The following ARAP3 variants were observed in gnomAD, a reference collection of about 807,000 sequenced individuals.
ARAP3 encodes the protein arf-GAP with Rho-GAP domain, ANK repeat and PH domain-containing protein 3.
In ARAP3, 82 loss-of-function variants were observed where a neutral mutation model predicts 169.2. That is an observed-to-expected ratio of 0.48 (90% CI 0.41 to 0.58). The LOEUF (loss-of-function observed/expected upper bound fraction) is 0.58, where lower values mean the gene tolerates loss of function less well. Among genes scored for constraint, ARAP3 ranks in the 20% least tolerant of loss-of-function variants. ARAP3 has a pLI of 0.00. For missense variants in ARAP3, 1,764 were observed against 2,018.0 expected (o/e 0.87, Z 2.41); for synonymous variants, 791 against 800.3 (o/e 0.99, Z 0.20).
At chr5:141,657,832 T>C (rs1370789625) in intron 25 of ARAP3, among the ~76,000 whole-genome samples, 1 of 152,182 alleles carries the variant, frequency 6.6e-6, no homozygotes, top group Non-Finnish European at 1.5e-5. Context: ...CTAGGCTTTT[T>C]TTTTGAGGAA....
At chr5:141,668,749 G>A (rs2099911025) in intron 16 of ARAP3, among the ~76,000 whole-genome samples, 1 of 152,222 alleles carries the variant, frequency 6.6e-6, no homozygotes, top group Non-Finnish European at 1.5e-5. Context: ...TCCCATACAG[G>A]AGTGCCGGAT....
intron 17 of ARAP3, 68 bp downstream of exon 17, chr5:141,666,356 T>C: frequency 7.5e-7 from 1 of 1,341,748 alleles, no homozygotes; most frequent in Non-Finnish European, 9.8e-7. Context: ...CCCCAAATAA[T>C]AAAGGTCTGC....
At chr5:141,661,884 G>T in intron 20 of ARAP3, 95 bp from the exon 21 acceptor site, 2 of 1,469,726 alleles carry the variant, frequency 1.4e-6, no homozygotes, top group Non-Finnish European at 1.9e-6. Context: ...ATGCAGGATG[G>T]ATGTGTCTCT....
chr5:141,673,962 T>C (rs866744233), intron 4 of ARAP3, among the ~76,000 whole-genome samples, 154 bp from the exon 5 acceptor site: 13 of 140,364 alleles, frequency 9.3e-5, no homozygotes, highest in Middle Eastern at 3.7e-3. Context: ...TTTTCTTCTT[T>C]TTTTTTTTTT....
At position 141,665,962 on chromosome 5, in the gene ARAP3, C is replaced by T. The variant is rs1296996699; in HGVS notation, c.2572+462G>A. The stretch of plus-strand genomic sequence containing the variant: ...AGGAGAATTGCTTGAACCTGGGAGG[C>T]GGAGGTTGCAGTGAGTTGAGGAGTT... On this transcript the variant is annotated intron_variant, in intron 17 of 32. Coordinates refer to ENST00000239440, the MANE Select transcript of ARAP3 (RefSeq NM_022481.6). Among the ~76,000 whole-genome samples, 9 of 148,092 alleles carry T rather than the reference C, an allele frequency of 6.1e-5. No individual in the cohort carries two copies. The East Asian group carries it at 1.0e-3, about 17-fold the overall frequency.
Position 141,673,096 on chromosome 5 carries a change from A to G in ARAP3, c.1010T>C (p.Ile337Thr). The G allele has an allele frequency of 1.9e-6, 3 of 1,614,198 alleles. No homozygotes were observed. Among genetic ancestry groups the G allele is most frequent in the South Asian group, 2.2e-5 (2 of 91,086 alleles). Residue 337 changes from isoleucine to threonine, a missense_variant, in exon 7 of 33, where the codon ATT becomes ACT. Physicochemically the swap from Ile to Thr is moderately conservative, Grantham distance 89. Transcript: ENST00000239440. ...FPKGVIPLTA[I>T]EMTRSSKDNK... Reference sequence around the variant, plus strand: ...GTCCTTGCTGCTGCGGGTCATCTCAATGGCAGTCAAAGGTATCACACCCTT... The same window carrying G: ...GTCCTTGCTGCTGCGGGTCATCTCAGTGGCAGTCAAAGGTATCACACCCTT...
chr5:141,657,312 C>CCAATGTAGCTA (rs2099909389), intron 25 of ARAP3, among the ~76,000 whole-genome samples: 1 of 152,170 alleles, frequency 6.6e-6, no homozygotes, highest in African/African-American at 2.4e-5. Context: ...AACTAAACAG[C>CCAATGTAGCTA]CAATGTAGCT....
intron 27 of ARAP3, 80 bp from the exon 28 acceptor site, chr5:141,656,356 G>T (rs1482625176): frequency 1.3e-6 from 2 of 1,598,058 alleles, no homozygotes; most frequent in Non-Finnish European, 1.7e-6. Flanking sequence ...GGAAGCAATG[G>T]GGTCTGTGGT....
chr5:141,657,968 A>G (rs948599970), intron 25 of ARAP3, among the ~76,000 whole-genome samples: 4 of 152,066 alleles, frequency 2.6e-5, no homozygotes, highest in Non-Finnish European at 5.9e-5. Context: ...TGTGGGCCAG[A>G]TATACAAATT....
chr5:141,674,151 C>T (rs920522754), intron 4 of ARAP3, among the ~76,000 whole-genome samples: 7 of 152,020 alleles, frequency 4.6e-5, no homozygotes, highest in Non-Finnish European at 7.4e-5. Flanking sequence ...TTAGTAGAGA[C>T]GGGGTTTCTC....
Position 141,680,381 on chromosome 5 carries a change from C to T in ARAP3, c.106G>A (p.Ala36Thr), listed in dbSNP as rs969450873. 2.5e-6 allele frequency: 4 copies of T among 1,614,018 alleles called. No homozygotes were observed. In the African/African-American group the frequency reaches 5.3e-5, roughly 22 times the overall value. Residue 36 changes from alanine (A) to threonine (T), a missense_variant, in exon 2 of 33, where the codon GCC (alanine) becomes ACC (threonine). Around this residue, in one of 3 missense-constraint regions of ARAP3, gnomAD observed 630 missense variants for 678.7 expected, o/e 0.93. Coordinates refer to ENST00000239440, the MANE Select transcript of ARAP3 (RefSeq NM_022481.6). Reference sequence around the variant, plus strand: ...AACTCCTCGTGGCCCAGGCCCCGGGCTGCACCTGCTGTAGCCAGGCCATGC... The same window carrying T: ...AACTCCTCGTGGCCCAGGCCCCGGGTTGCACCTGCTGTAGCCAGGCCATGC... ...RRHGLATAGA[A>T]RGLGHEELKQ...
chr5:141,667,546 G>C (rs541667339), intron 16 of ARAP3, among the ~76,000 whole-genome samples: 2 of 149,402 alleles, frequency 1.3e-5, no homozygotes, highest in East Asian at 4.1e-4. Context: ...AGATTCTCCT[G>C]CCTCAGCCTC....
rs773341376 is a variant in ARAP3 at position 141,661,668 on chromosome 5, G to T, written c.3119+16C>A. 1 of 1,611,544 alleles carries T rather than the reference G, an allele frequency of 6.2e-7. No individual in the cohort carries two copies. Among genetic ancestry groups the T allele is most frequent in the Non-Finnish European group, 8.5e-7 (1 of 1,177,656 alleles). On this transcript the variant is annotated intron_variant, in intron 21 of 32. Coordinates refer to ENST00000239440, the MANE Select transcript of ARAP3 (RefSeq NM_022481.6). ...GAAGTGAGGAAGGGTTCTGCAGAGG[G>T]TCTAGCCATACTGACCGATAGAGAT... is the stretch of plus-strand genomic sequence containing the variant.
At position 141,672,718 on chromosome 5, in the gene ARAP3, A is replaced by AGCCTTG. The variant is rs1299471652; in HGVS notation, c.1278+22_1278+23insCAAGGC. 2 of 1,614,038 alleles carry AGCCTTG rather than the reference A, an allele frequency of 1.2e-6. No individual in the cohort carries two copies. Among genetic ancestry groups the AGCCTTG allele is most frequent in the Non-Finnish European group, 1.7e-6 (2 of 1,180,024 alleles). On this transcript the variant is annotated intron_variant, in intron 8 of 32. Coordinates refer to ENST00000239440, the MANE Select transcript of ARAP3 (RefSeq NM_022481.6). The surrounding 1 kb of genome is among the most constrained non-coding windows in gnomAD (Gnocchi z 4.9). ...CAGAAGGGACTAGTTCAGGCCCCTCAGCCCTGGCCCGGCTCTCCTCACCTG... is the reference window on the plus strand; with the variant it reads ...CAGAAGGGACTAGTTCAGGCCCCTCAGCCTTGGCCCTGGCCCGGCTCTCCTCACCTG...
In ARAP3 at chr5:141,662,060, C is replaced by A. The variant is rs762292586; in HGVS notation, c.2996G>T (p.Arg999Leu). ...DPVTSARLLP[R>L]WREAAELPQK... The stretch of plus-strand genomic sequence containing the variant: ...AGGAATACCAGCAGCCTCCCTCCAG[C>A]GAGGCAGCAACCGTGCAGAGGTCAC... Residue 999 changes from arginine (R) to leucine (L), a missense_variant, in exon 20 of 33, where the codon CGC becomes CTC. By Grantham distance (102) the Arg-to-Leu change is moderately radical (BLOSUM62 -2). This residue lies in a region of ARAP3 where 1,112 missense variants were observed against 1,285.7 expected (regional missense o/e 0.86). Transcript: ENST00000239440. The A allele has an allele frequency of 6.2e-7, 1 of 1,613,998 alleles. No individual in the cohort carries two copies. The highest frequency in any genetic ancestry group is 8.5e-7 in the Non-Finnish European group (1 of 1,180,014).
chr5:141,675,564 CA>C (rs201971326), intron 4 of ARAP3, among the ~76,000 whole-genome samples: 21 of 150,878 alleles, frequency 1.4e-4, no homozygotes, highest in African/African-American at 3.9e-4. Flanking sequence ...ACTAAAAATA[CA>C]AAAAAAAATT....
At chr5:141,681,147 C>T (rs549265151) in intron 1 of ARAP3, among the ~76,000 whole-genome samples, 30 of 152,126 alleles carry the variant, frequency 2.0e-4, no homozygotes, top group Admixed American at 1.3e-4. Flanking sequence ...GTCAGGCTGC[C>T]GGGAGAGCCC....
chr5:141,661,289 C>A (rs2099909937), intron 21 of ARAP3, among the ~76,000 whole-genome samples: 1 of 152,128 alleles, frequency 6.6e-6, no homozygotes, highest in Admixed American at 6.5e-5. Flanking sequence ...GTCTCAAACT[C>A]CTGGCCTTAG....
chr5:141,660,009 A>T, intron 21 of ARAP3, 83 bp from the exon 22 acceptor site: 1 of 1,469,152 alleles, frequency 6.8e-7, no homozygotes, highest in Non-Finnish European at 9.1e-7. Context: ...TGCCTGGGCT[A>T]AGTGCTTGGA....
Sources: allele counts gnomAD v4.1 joint callset (sites outside exome capture counted in the v4.1 genomes callset), GRCh38; gene constraint gnomAD v4.1.1; regional missense constraint gnomAD v4.1.1; non-coding constraint Gnocchi (gnomAD v3.1); transcripts MANE v1.5; gene names NCBI Gene and HGNC (gene_info 2026-07-23, HGNC 2026-07-21).